METTL25: variants seen among roughly 807,000 people sequenced by gnomAD.
METTL25 encodes methyltransferase like 25.
A neutral mutation model predicts 71.6 loss-of-function variants in METTL25; 64 were observed. The observed-to-expected ratio is 0.89, with a 90% CI of 0.73 to 1.10. The LOEUF (loss-of-function observed/expected upper bound fraction) is 1.10, where lower values mean the gene tolerates loss of function less well. Among genes scored for constraint, METTL25 ranks in the 50% least tolerant of loss-of-function variants. METTL25 has a pLI of 0.00. For synonymous variants in METTL25, 287 were observed against 250.3 expected, an observed-to-expected ratio of 1.15 and a Z score of -1.38; for missense variants, 807 against 707.0, an observed-to-expected ratio of 1.14 and a Z score of -1.60.
In METTL25 at chr12:82,478,904, T is replaced by C. The variant is rs758708735; in HGVS notation, c.1720-28T>C. 3.8e-6 allele frequency: 6 copies of C among 1,564,984 alleles called. No homozygotes were observed. In the African/African-American group the frequency reaches 4.1e-5, roughly 11 times the overall value. On this transcript the variant is annotated intron_variant, in intron 11 of 11. Transcript: ENST00000248306. ...AATTTTTTTCTTCAACAAATGGTTGTATATCTAAATCACTTATTAATTTAC... is the reference window on the plus strand; with the variant it reads ...AATTTTTTTCTTCAACAAATGGTTGCATATCTAAATCACTTATTAATTTAC...
intron 5 of METTL25, among the ~76,000 whole-genome samples, chr12:82,416,710 C>T (rs73151496): frequency 0.062 from 9,437 of 152,074 alleles, 343 homozygotes; most frequent in Middle Eastern, 0.12. Context: ...TGGGCTGAAG[C>T]ATTCTGCCCA....
chr12:82,438,752 T>C lies in METTL25; in HGVS notation c.1439T>C (p.Leu480Pro), dbSNP rs1313656400. The C allele has an allele frequency of 5.2e-6, 8 of 1,546,418 alleles. No individual in the cohort carries two copies. The highest frequency in any genetic ancestry group is 7.0e-6 in the Non-Finnish European group (8 of 1,137,654). The change falls in exon 8 of 12, where the codon CTT (leucine) becomes CCT (proline). Residue 480 changes from leucine (L) to proline (P), a missense_variant. Transcript: ENST00000248306. ...GAATCACTCTTCTATCGTGCTGTTC[T>C]TCAGGATATTATTAAAGATTGTTAT... Reference protein sequence around the residue: ...PTESLFYRAVLQDIIKDCYGI... With the variant: ...PTESLFYRAVPQDIIKDCYGI...
At chr12:82,428,210 A>G (rs1387162948) in intron 5 of METTL25, among the ~76,000 whole-genome samples, 1 of 151,908 alleles carries the variant, frequency 6.6e-6, no homozygotes, top group Non-Finnish European at 1.5e-5. Context: ...AACTGGCCAC[A>G]ACCTACTCAT....
chr12:82,366,445 G>A (rs1225501519), intron 1 of METTL25, among the ~76,000 whole-genome samples: 2 of 152,178 alleles, frequency 1.3e-5, no homozygotes, highest in Non-Finnish European at 2.9e-5. Flanking sequence ...AGGATTGGGT[G>A]CTGAGTAAAT....
At chr12:82,426,503 A>G (rs1408065051) in intron 5 of METTL25, among the ~76,000 whole-genome samples, 2 of 152,034 alleles carry the variant, frequency 1.3e-5, no homozygotes, top group Admixed American at 1.3e-4. Context: ...TCTGTCCTTC[A>G]TACGTTGTTA....
chr12:82,411,478 A>G (rs1281054675), intron 5 of METTL25, among the ~76,000 whole-genome samples: 3 of 151,916 alleles, frequency 2.0e-5, no homozygotes, highest in African/African-American at 7.2e-5. Context: ...TTTCATTCCT[A>G]CCATTTACCA....
intron 9 of METTL25, among the ~76,000 whole-genome samples, chr12:82,463,519 A>G (rs1012460512): frequency 2.0e-5 from 3 of 152,028 alleles, no homozygotes; most frequent in Non-Finnish European, 4.4e-5. Context: ...TATCTTGGCT[A>G]TTATAGATAG....
chr12:82,396,745 C>G (rs1370096890), intron 3 of METTL25, among the ~76,000 whole-genome samples: 1 of 152,004 alleles, frequency 6.6e-6, no homozygotes, highest in Non-Finnish European at 1.5e-5. Flanking sequence ...AAAAACTTTT[C>G]TTGTGTGATT....
chr12:82,439,986 C>A, intron 8 of METTL25: 1 of 198,650 alleles, frequency 5.0e-6, no homozygotes, highest in Non-Finnish European at 9.0e-6. Context: ...ATTCAGAAGA[C>A]AGCTCGTATT....
intron 3 of METTL25, among the ~76,000 whole-genome samples, chr12:82,397,793 A>G (rs1230733774): frequency 1.3e-5 from 2 of 151,954 alleles, no homozygotes; most frequent in East Asian, 3.9e-4. Context: ...ATTGATTTAT[A>G]TGTTTATTTT....
chr12:82,430,968 C>A lies in METTL25; in HGVS notation c.1355C>A (p.Ala452Asp). 6.3e-7 allele frequency: 1 copy of A among 1,593,814 alleles called. No individual in the cohort carries two copies. Among genetic ancestry groups the A allele is most frequent in the Non-Finnish European group, 8.6e-7 (1 of 1,166,830 alleles). The part of the protein sequence containing the change: ...KEERWCCGRN[A>D]RMSACLALER... ...GAGAGATGGTGCTGTGGTCGTAATG[C>A]CAGAATGTCAGCATGTTTGGTATGG... Residue 452 changes from alanine (A) to aspartate (D), a missense_variant, in exon 6 of 12, where the codon GCC becomes GAC. Coordinates refer to ENST00000248306, the MANE Select transcript of METTL25 (RefSeq NM_032230.3).
intron 1 of METTL25, among the ~76,000 whole-genome samples, chr12:82,386,229 A>G (rs972632853): frequency 3.3e-5 from 5 of 152,112 alleles, no homozygotes; most frequent in Admixed American, 6.6e-5. Context: ...GCATCATCCA[A>G]ATGATGCAGG....
chr12:82,472,820 T>A (rs1177122423), intron 9 of METTL25, among the ~76,000 whole-genome samples: 1 of 152,304 alleles, frequency 6.6e-6, no homozygotes, highest in East Asian at 1.9e-4. Flanking sequence ...TGTCTTTCCT[T>A]ATAGTTTGGT....
At chr12:82,372,781 G>C (rs762516727) in intron 1 of METTL25, among the ~76,000 whole-genome samples, 3 of 152,066 alleles carry the variant, frequency 2.0e-5, no homozygotes, top group Admixed American at 6.5e-5. Context: ...TGTGATTTTG[G>C]TTTGTTTGTT....
At chr12:82,405,700 A>G (rs1341967718) in intron 5 of METTL25, among the ~76,000 whole-genome samples, 1 of 152,186 alleles carries the variant, frequency 6.6e-6, no homozygotes, top group Non-Finnish European at 1.5e-5. Context: ...TGAAAAACCT[A>G]AAGGAAGAAA....
chr12:82,413,112 A>G (rs1173584252), intron 5 of METTL25, among the ~76,000 whole-genome samples: 1 of 152,018 alleles, frequency 6.6e-6, no homozygotes, highest in African/African-American at 2.4e-5. Context: ...CCTATAAATC[A>G]TTAGTATTTT....
Position 82,358,610 on chromosome 12 carries a change from G to T in METTL25, c.45G>T (p.Thr15=), listed in dbSNP as rs780788123. 4 of 1,613,426 alleles carry T rather than the reference G, an allele frequency of 2.5e-6. No individual in the cohort carries two copies. The highest frequency in any genetic ancestry group is 2.5e-6 in the Non-Finnish European group (3 of 1,180,038). The stretch of plus-strand genomic sequence containing the variant: ...TCCCGGTGACCCCGGACCTGCCCAC[G>T]CTGCGTGCCAAGTTGCAGGGACTGC... ...CPLPVTPDLP[T]LRAKLQGLLQ... Residue 15 remains threonine, a synonymous_variant, in exon 1 of 12, where the codon ACG becomes ACT. Transcript: ENST00000248306.
At chr12:82,451,408 T>C (rs1423035147) in intron 8 of METTL25, 2 of 268,434 alleles carry the variant, frequency 7.5e-6, no homozygotes, top group Non-Finnish European at 1.1e-5. Flanking sequence ...TATTATTTTA[T>C]ATCTTTTTGC....
intron 1 of METTL25, among the ~76,000 whole-genome samples, chr12:82,385,453 C>T (rs1181978626): frequency 1.3e-5 from 2 of 151,988 alleles, no homozygotes; most frequent in African/African-American, 2.4e-5. Flanking sequence ...ATGAGGTGAA[C>T]GTTTTGCATA....
Sources: gnomAD v4.1 joint callset for allele counts (sites outside exome capture counted in the v4.1 genomes callset) on GRCh38, gnomAD v4.1.1 for gene constraint, MANE v1.5 for transcripts, NCBI Gene and HGNC (gene_info 2026-07-23, HGNC 2026-07-21) for gene names.